Variants in SCML1 observed in about 807,000 individuals in gnomAD.
SCML1 encodes the protein sex comb on midleg-like protein 1.
For missense variants in SCML1, 137 were observed against 258.1 expected, an observed-to-expected ratio of 0.53 and a Z score of 3.22; for synonymous variants, 104 against 103.6, an observed-to-expected ratio of 1.00 and a Z score of -0.02.
rs753275481 is a variant in SCML1, at chrX:17,753,440, A to G, written c.*48A>G. ...ATTGGGCCAACTTCTAGAGGCACCA[A>G]TGCCTTCTTAGTGTGGAATCATTTT... On this transcript the variant is annotated 3_prime_UTR_variant, in exon 8 of 8. Transcript: ENST00000380041. 10 of 995,376 alleles carry G rather than the reference A, an allele frequency of 1.0e-5. No homozygotes were observed. Among genetic ancestry groups the G allele is most frequent in the African/African-American group, 3.9e-5 (2 of 51,652 alleles). The allele number at this position is 995,376 out of a possible 1,213,427, so 82.0% of individuals were successfully genotyped here. A position where few individuals can be genotyped will look rare whatever the true frequency, so the allele number is the denominator to read the frequency against.
In SCML1 at chrX:17,744,165, G is replaced by A; in HGVS notation, c.-22G>A. The A allele has an allele frequency of 8.4e-7, 1 of 1,191,134 alleles. No homozygotes were observed. Among genetic ancestry groups the A allele is most frequent in the Non-Finnish European group, 1.1e-6 (1 of 877,779 alleles). On this transcript the variant is annotated 5_prime_UTR_variant, in exon 2 of 8. Transcript: ENST00000380041. ...AATTAGGTCCAACTCAGAGGAAGTGGAGTTTCTCCTGTTGCACAAAAATGA... is the reference window on the plus strand; with the variant it reads ...AATTAGGTCCAACTCAGAGGAAGTGAAGTTTCTCCTGTTGCACAAAAATGA...
At chrX:17,747,839 G>A (rs1421430921) in intron 4 of SCML1, among the ~76,000 whole-genome samples, 1 of 112,093 alleles carries the variant, frequency 8.9e-6, no homozygotes, top group Non-Finnish European at 1.9e-5. Context: ...TTTTCATCCT[G>A]ATTCCCTACA....
rs965321810 is a variant in SCML1 at position 17,749,901 on chromosome X, A to G, written c.311A>G (p.Tyr104Cys). 3.2e-5 allele frequency: 38 copies of G among 1,203,969 alleles called. No homozygotes were observed. The highest frequency in any genetic ancestry group is 4.1e-5 in the Non-Finnish European group (37 of 892,018). Residue 104 changes from tyrosine to cysteine, a missense_variant, in exon 6 of 8, where the codon TAT becomes TGT. By Grantham distance (194) the Tyr-to-Cys change is radical (BLOSUM62 -2). Transcript: ENST00000380041. ...ARSLWTNHKRYGYKKHSYRLV... is the reference protein window; with the variant it reads ...ARSLWTNHKRCGYKKHSYRLV... ...GTGTTTGTGTGATTTCAGAAGCGAT[A>G]TGGATATAAAAAGCATTCTTACCGG...
At position 17,745,706 on chromosome X, in the gene SCML1, A is replaced by G. The variant is rs920465583; in HGVS notation, c.117+167A>G. ...CAGAGAATGAGCACTTAACCAATTT[A>G]CTTTCCCCTTTTTCTTATATAGTAG... is the stretch of plus-strand genomic sequence containing the variant. On this transcript the variant is annotated intron_variant, in intron 3 of 7. Coordinates refer to ENST00000380041, the MANE Select transcript of SCML1 (RefSeq NM_001037540.3). The G allele has an allele frequency of 7.6e-6, 3 of 393,779 alleles. No individual in the cohort carries two copies. The African/African-American group carries it at 7.8e-5, about 10-fold the overall frequency. The allele number at this position is 393,779 out of a possible 1,213,427, so 32.5% of individuals were successfully genotyped here.
chrX:17,749,011 T>C (rs1449989888), intron 4 of SCML1, among the ~76,000 whole-genome samples: 1 of 112,686 alleles, frequency 8.9e-6, no homozygotes, highest in Non-Finnish European at 1.9e-5. Context: ...TATGAACATA[T>C]ATGTTACATA....
chrX:17,737,185 C>A (rs1442634215), upstream of SCML1, among the ~76,000 whole-genome samples: 4 of 110,152 alleles, frequency 3.6e-5, no homozygotes, highest in African/African-American at 1.3e-4. Context: ...GCGGGTCTTG[C>A]GAAGGAAAAC....
In SCML1 at chrX:17,754,345, T is replaced by G. The variant is rs779429877; in HGVS notation, c.*953T>G. The G allele has an allele frequency of 8.9e-6, 1 of 112,437 alleles. No individual in the cohort carries two copies. Among genetic ancestry groups the G allele is most frequent in the Non-Finnish European group, 1.9e-5 (1 of 53,251 alleles). 9.3% of individuals were successfully genotyped at this position (112,437 alleles called of 1,213,427 possible). On this transcript the variant is annotated 3_prime_UTR_variant, in exon 8 of 8. Coordinates refer to ENST00000380041, the MANE Select transcript of SCML1 (RefSeq NM_001037540.3). ...TGCCACAGAGGTAGGATGAGCCATATATTAGTGAAATGTTTTATTTTGTAA... is the reference window on the plus strand; with the variant it reads ...TGCCACAGAGGTAGGATGAGCCATAGATTAGTGAAATGTTTTATTTTGTAA...
intron 5 of SCML1, 183 bp downstream of exon 5, chrX:17,749,687 A>G: frequency 2.0e-6 from 1 of 499,832 alleles, no homozygotes; most frequent in Non-Finnish European, 3.3e-6. Flanking sequence ...TTGATAATTT[A>G]TGATGCTGCC....
chrX:17,748,138 C>T (rs1319868179), intron 4 of SCML1, among the ~76,000 whole-genome samples: 1 of 111,574 alleles, frequency 9.0e-6, no homozygotes, highest in Non-Finnish European at 1.9e-5. Flanking sequence ...GCTACCAGTC[C>T]GTGGACCACA....
Position 17,750,232 on chromosome X carries a change from T to C in SCML1, c.642T>C (p.Pro214=). Residue 214 remains proline (P), a synonymous_variant, in exon 6 of 8, where the codon CCT becomes CCC. Coordinates refer to ENST00000380041, the MANE Select transcript of SCML1 (RefSeq NM_001037540.3). ...GSSSGLCLGN[P]RADSIHNTYS... is the part of the protein sequence containing the mutation. ...CTTCAGGGCTCTGCCTTGGCAACCC[T>C]CGGGCTGACAGCATCCACAACACTT... 8.3e-7 allele frequency: 1 copy of C among 1,211,619 alleles called. No individual in the cohort carries two copies. Among genetic ancestry groups the C allele is most frequent in the East Asian group, 3.0e-5 (1 of 33,842 alleles).
At chrX:17,745,825 A>G (rs866879954) in intron 3 of SCML1, 193 bp from the exon 4 acceptor site, 29 of 328,255 alleles carry the variant, frequency 8.8e-5, no homozygotes, top group Middle Eastern at 8.0e-4. Context: ...CCCTTCCTCA[A>G]TTGTCAGTTT....
rs766390898 is a variant in SCML1 at position 17,746,111 on chromosome X, T to C, written c.198+13T>C. 23 of 1,052,809 alleles carry C rather than the reference T, an allele frequency of 2.2e-5. No individual in the cohort carries two copies. Among genetic ancestry groups the C allele is most frequent in the Non-Finnish European group, 2.9e-5 (22 of 769,167 alleles). 86.8% of individuals were successfully genotyped at this position (1,052,809 alleles called of 1,213,427 possible). ...TATTCATTGCCAGGTATGGAAGTTC[T>C]GTCTCTTCAATGTAGTTTTCTAAAA... On this transcript the variant is annotated intron_variant, in intron 4 of 7. Coordinates refer to ENST00000380041, the MANE Select transcript of SCML1 (RefSeq NM_001037540.3).
At chrX:17,743,636 G>C (rs2066618293) in intron 1 of SCML1, among the ~76,000 whole-genome samples, 1 of 111,780 alleles carries the variant, frequency 8.9e-6, no homozygotes, top group Non-Finnish European at 1.9e-5. Context: ...TGGATGAGGA[G>C]GTGGTGTCTC....
chrX:17,750,667 G>A (rs895749909), intron 6 of SCML1, among the ~76,000 whole-genome samples: 5 of 112,247 alleles, frequency 4.5e-5, no homozygotes, highest in Non-Finnish European at 9.4e-5. Context: ...CGATCACAGA[G>A]CTGGTGAGTA....
chrX:17,746,816 A>C (rs181009848), intron 4 of SCML1, among the ~76,000 whole-genome samples: 22 of 111,448 alleles, frequency 2.0e-4, no homozygotes, highest in Admixed American at 5.6e-4. Flanking sequence ...CTCCCCATGC[A>C]CTGCTAGGTC....
intron 1 of SCML1, among the ~76,000 whole-genome samples, chrX:17,740,123 G>A (rs1359211659): frequency 9.0e-6 from 1 of 111,653 alleles, no homozygotes; most frequent in Non-Finnish European, 1.9e-5. Flanking sequence ...AAATAGCCCT[G>A]TGAAGTAGAT....
rs1317994885 is a variant in SCML1, at chrX:17,748,295, C to A, written c.199-1105C>A. ...CATGGCTCACTGCAGCCACAACTTC[C>A]CAGGCTCAGGTGATTCTCCCACCTC... On this transcript the variant is annotated intron_variant, in intron 4 of 7. Transcript: ENST00000380041. 6.3e-5 allele frequency among the ~76,000 whole-genome samples: 7 copies of A among 111,784 alleles called. 1 individual carries two copies. The highest frequency in any genetic ancestry group is 5.7e-4 in the Admixed American group (6 of 10,565).
chrX:17,744,239 ATCTG>A lies in SCML1; in HGVS notation c.33+24_33+27del, dbSNP rs1453031396. On this transcript the variant is annotated intron_variant, in intron 2 of 7. Coordinates refer to ENST00000380041, the MANE Select transcript of SCML1 (RefSeq NM_001037540.3). ...GATGTGGTTTGTATTCAAATTGAAA[ATCTG>A]TCTTTGTTCTTTTTACTGTGCTATA... 1.7e-6 allele frequency: 2 copies of A among 1,176,118 alleles called. No homozygotes were observed. Among genetic ancestry groups the A allele is most frequent in the African/African-American group, 1.8e-5 (1 of 56,665 alleles).
At chrX:17,743,274 A>G (rs2066613895) in intron 1 of SCML1, among the ~76,000 whole-genome samples, 3 of 111,626 alleles carry the variant, frequency 2.7e-5, no homozygotes, top group Non-Finnish European at 5.6e-5. Flanking sequence ...TATAGAATGA[A>G]AGGGAAACAG....
Sources: allele counts gnomAD v4.1 joint callset (sites outside exome capture counted in the v4.1 genomes callset), GRCh38; gene constraint gnomAD v4.1.1; transcripts MANE v1.5; gene names NCBI Gene and HGNC (gene_info 2026-07-23, HGNC 2026-07-21).